CNTNAP2: variants seen among roughly 807,000 people sequenced by gnomAD.
The protein encoded by CNTNAP2 is contactin associated protein 2, also known as contactin-associated protein-like 2.
Under a neutral mutation model 155.2 loss-of-function variants are expected in CNTNAP2, and 98 were observed. The observed-to-expected ratio is 0.63, with a 90% CI of 0.54 to 0.75. The LOEUF (loss-of-function observed/expected upper bound fraction) is 0.75, where lower values mean the gene tolerates loss of function less well. CNTNAP2 is among the 30% of genes least tolerant of loss of function. CNTNAP2 has a pLI of 0.00. For synonymous variants in CNTNAP2, 651 were observed against 631.2 expected (o/e 1.03, Z -0.47); for missense variants, 1,727 against 1,688.1 (o/e 1.02, Z -0.40).
intron 13 of CNTNAP2, among the ~76,000 whole-genome samples, chr7:147,805,016 C>T (rs1798066896): frequency 6.6e-6 from 1 of 152,132 alleles, no homozygotes; most frequent in Admixed American, 6.5e-5. Context: ...CTGGAATCTC[C>T]TCTTGTTTCT....
intron 11 of CNTNAP2, among the ~76,000 whole-genome samples, chr7:147,496,405 G>A (rs1009075193): frequency 2.6e-5 from 4 of 152,140 alleles, no homozygotes; most frequent in African/African-American, 9.7e-5. Context: ...TGCTGAAAAT[G>A]CTTACAGTGC....
intron 13 of CNTNAP2, among the ~76,000 whole-genome samples, chr7:147,763,091 C>T (rs978513629): frequency 6.6e-6 from 1 of 151,842 alleles, no homozygotes; most frequent in African/African-American, 2.4e-5. Flanking sequence ...AAGCCCCCGT[C>T]TCTACTAAAA....
chr7:146,963,085 G>A (rs1222484774), intron 3 of CNTNAP2: 1 of 152,156 alleles, frequency 6.6e-6, no homozygotes, highest in African/African-American at 2.4e-5. Context: ...GGACTATTAC[G>A]AAGCACTTGA....
chr7:146,840,482 T>C (rs1405964940), intron 3 of CNTNAP2, among the ~76,000 whole-genome samples: 1 of 152,142 alleles, frequency 6.6e-6, no homozygotes, highest in Non-Finnish European at 1.5e-5. Context: ...CACATAATAA[T>C]TTGAATAAAT....
intron 1 of CNTNAP2, among the ~76,000 whole-genome samples, chr7:146,479,091 G>T (rs10224363): frequency 0.17 from 26,471 of 152,062 alleles, 2,873 homozygotes; most frequent in African/African-American, 0.3. Context: ...TGACAAGGGG[G>T]TGTACTTCAG....
intron 13 of CNTNAP2, among the ~76,000 whole-genome samples, chr7:147,742,387 A>G (rs974391183): frequency 6.6e-6 from 1 of 152,188 alleles, no homozygotes; most frequent in African/African-American, 2.4e-5. Context: ...TGCTCTTTGA[A>G]TAATGATTCA....
intron 2 of CNTNAP2, among the ~76,000 whole-genome samples, chr7:146,796,837 C>A (rs1001863825): frequency 2.6e-5 from 4 of 151,934 alleles, no homozygotes; most frequent in African/African-American, 7.2e-5. Context: ...GTGAAGCACT[C>A]ATTAAGAAAA....
intron 10 of CNTNAP2, among the ~76,000 whole-genome samples, chr7:147,457,552 T>C (rs1797938520): frequency 1.3e-5 from 1 of 76,548 alleles, no homozygotes; most frequent in South Asian, 4.6e-4. Context: ...AAGTTCAAGA[T>C]ATGAGAGGTT....
intron 1 of CNTNAP2, among the ~76,000 whole-genome samples, chr7:146,517,068 C>A (rs867088680): frequency 2.6e-5 from 4 of 151,958 alleles, no homozygotes; most frequent in African/African-American, 9.7e-5. Flanking sequence ...TCCTATGCTG[C>A]TCTAAGCACG....
chr7:146,698,217 A>G (rs1473738335), intron 1 of CNTNAP2, among the ~76,000 whole-genome samples: 1 of 152,126 alleles, frequency 6.6e-6, no homozygotes, highest in Admixed American at 6.5e-5. Context: ...TAAGAACCAA[A>G]AAAAATTATT....
At chr7:147,334,895 C>A (rs889813550) in intron 9 of CNTNAP2, among the ~76,000 whole-genome samples, 1 of 152,116 alleles carries the variant, frequency 6.6e-6, no homozygotes, top group African/African-American at 2.4e-5. Flanking sequence ...TACTGTGGGT[C>A]TTATTTAATA....
chr7:146,604,367 C>G (rs1010957669), intron 1 of CNTNAP2, among the ~76,000 whole-genome samples: 1 of 136,230 alleles, frequency 7.3e-6, no homozygotes, highest in African/African-American at 2.9e-5. Flanking sequence ...ATCAAAACCA[C>G]TATGAGATAC....
intron 3 of CNTNAP2, among the ~76,000 whole-genome samples, chr7:146,921,075 G>T (rs192172049): frequency 2.0e-5 from 3 of 152,224 alleles, no homozygotes; most frequent in Admixed American, 2.0e-4. Context: ...ATATCTTCTA[G>T]AAAAGGAAAA....
chr7:147,233,514 C>A (rs34931121), intron 8 of CNTNAP2, among the ~76,000 whole-genome samples: 2,442 of 151,620 alleles, frequency 0.016, 24 homozygotes, highest in South Asian at 0.044. Context: ...TGTAAAGACT[C>A]CAAAGTGTTA....
chr7:146,576,971 C>T (rs903863208), intron 1 of CNTNAP2, among the ~76,000 whole-genome samples: 5 of 152,134 alleles, frequency 3.3e-5, no homozygotes, highest in Admixed American at 6.5e-5. Context: ...ATCAGGCTTT[C>T]ATTCAGAATT....
intron 11 of CNTNAP2, among the ~76,000 whole-genome samples, chr7:147,542,496 G>A (rs851826): frequency 0.7 from 106,421 of 152,052 alleles, 37,418 homozygotes; most frequent in African/African-American, 0.75. Flanking sequence ...GGGAATAATC[G>A]GAGGAAGTTA....
chr7:147,373,846 C>G (rs1796389958), intron 9 of CNTNAP2, among the ~76,000 whole-genome samples: 1 of 151,692 alleles, frequency 6.6e-6, no homozygotes, highest in African/African-American at 2.4e-5. Context: ...TATATTTCAT[C>G]TAGCACATTT....
intron 1 of CNTNAP2, among the ~76,000 whole-genome samples, chr7:146,360,037 C>T (rs748616938): frequency 9.9e-5 from 15 of 152,160 alleles, no homozygotes; most frequent in Non-Finnish European, 2.1e-4. Flanking sequence ...ATAAAGTACA[C>T]CTCAGTACCA....
intron 15 of CNTNAP2, among the ~76,000 whole-genome samples, chr7:148,080,089 G>T (rs1442866173): frequency 6.6e-6 from 1 of 152,184 alleles, no homozygotes; most frequent in South Asian, 2.1e-4. Context: ...AACACTCCAG[G>T]TTGATTGTGG....
Sources: gnomAD v4.1 joint callset for allele counts (sites outside exome capture counted in the v4.1 genomes callset) on GRCh38, gnomAD v4.1.1 for gene constraint, MANE v1.5 for transcripts, NCBI Gene and HGNC (gene_info 2026-07-23, HGNC 2026-07-21) for gene names.